Variants in GRIK2 observed in about 807,000 individuals in gnomAD.
GRIK2 encodes glutamate ionotropic receptor kainate type subunit 2.
Under a neutral mutation model 100.3 loss-of-function variants are expected in GRIK2, and 32 were observed. That is an observed-to-expected ratio of 0.32 (90% confidence interval 0.24 to 0.43). GRIK2 has a LOEUF of 0.43. Ranked by LOEUF, GRIK2 falls within the 20% of genes least tolerant of loss-of-function variation. The pLI is 1.00. For missense variants in GRIK2, 843 were observed against 1,114.9 expected (o/e 0.76, Z 3.47); for synonymous variants, 417 against 389.4 (o/e 1.07, Z -0.83).
intron 14 of GRIK2, chr6:101,993,849 T>C (rs1204815281): frequency 2.0e-5 from 3 of 148,030 alleles, no homozygotes; most frequent in Non-Finnish European, 3.0e-5. Flanking sequence ...TAGCAAATAA[T>C]GTATTTGCTC....
intron 2 of GRIK2, among the ~76,000 whole-genome samples, chr6:101,613,302 T>C (rs1041952008): frequency 5.3e-5 from 8 of 151,814 alleles, no homozygotes; most frequent in African/African-American, 1.7e-4. Flanking sequence ...AAGCTTTGCT[T>C]GGTCTTTAAC....
intron 2 of GRIK2, among the ~76,000 whole-genome samples, chr6:101,489,241 A>G (rs1361787650): frequency 2.1e-5 from 3 of 146,218 alleles, no homozygotes; most frequent in East Asian, 1.9e-4. Context: ...TGTGATGACA[A>G]TCATCCCAGA....
At chr6:101,405,184 T>A (rs1292103915) in intron 2 of GRIK2, among the ~76,000 whole-genome samples, 1 of 152,170 alleles carries the variant, frequency 6.6e-6, no homozygotes, top group Non-Finnish European at 1.5e-5. Flanking sequence ...GTCTTTATGG[T>A]TGAAGATTGG....
intron 4 of GRIK2, among the ~76,000 whole-genome samples, chr6:101,648,834 A>G (rs1781651789): frequency 6.6e-6 from 1 of 152,118 alleles, no homozygotes. Flanking sequence ...AAAGAGGTTT[A>G]ATGGACTCAC....
At chr6:101,836,407 C>G (rs1361923405) in intron 10 of GRIK2, among the ~76,000 whole-genome samples, 1 of 151,730 alleles carries the variant, frequency 6.6e-6, no homozygotes, top group East Asian at 1.9e-4. Context: ...GAAATAAATA[C>G]TGGCTTTCAA....
chr6:101,626,571 G>A lies in GRIK2; in HGVS notation c.475G>A (p.Ala159Thr), dbSNP rs774450992. 1 of 1,613,790 alleles carries A rather than the reference G, an allele frequency of 6.2e-7. No individual in the cohort carries two copies. The highest frequency in any genetic ancestry group is 8.5e-7 in the Non-Finnish European group (1 of 1,179,758). ...CCCAGACTTCTCTTCACTCAGCCGTGCCATTTTAGACCTGGTGCAGTTTTT... is the reference window on the plus strand; with the variant it reads ...CCCAGACTTCTCTTCACTCAGCCGTACCATTTTAGACCTGGTGCAGTTTTT... ...LYPDFSSLSR[A>T]ILDLVQFFKW... Residue 159 changes from alanine (A) to threonine (T), a missense_variant, in exon 4 of 17, where the codon GCC becomes ACC. Transcript: ENST00000369134.
At chr6:101,563,924 A>C (rs1048320655) in intron 2 of GRIK2, among the ~76,000 whole-genome samples, 15 of 152,138 alleles carry the variant, frequency 9.9e-5, no homozygotes, top group Non-Finnish European at 2.1e-4. Flanking sequence ...AAATGCAACA[A>C]ACAATACAAA....
chr6:101,442,785 T>C (rs1770151442), intron 2 of GRIK2, among the ~76,000 whole-genome samples: 1 of 152,156 alleles, frequency 6.6e-6, no homozygotes, highest in Non-Finnish European at 1.5e-5. Context: ...TGGGATTCAA[T>C]GTAACTATTC....
intron 2 of GRIK2, among the ~76,000 whole-genome samples, chr6:101,491,681 A>C (rs1017267910): frequency 5.3e-5 from 8 of 151,956 alleles, no homozygotes; most frequent in Non-Finnish European, 1.2e-4. Flanking sequence ...TGGTTTACCC[A>C]AAAATATTTC....
At chr6:101,505,341 C>T (rs2144706) in intron 2 of GRIK2, among the ~76,000 whole-genome samples, 91,559 of 151,916 alleles carry the variant, frequency 0.6, 28,658 homozygotes, top group African/African-American at 0.77. Flanking sequence ...CTTGCCGAAG[C>T]TTTCCTCAGT....
intron 15 of GRIK2, among the ~76,000 whole-genome samples, chr6:102,042,023 A>T (rs1770607618): frequency 6.6e-6 from 1 of 151,652 alleles, no homozygotes; most frequent in Non-Finnish European, 1.5e-5. Context: ...AGTATATTGT[A>T]ATTAGATAAC....
intron 2 of GRIK2, among the ~76,000 whole-genome samples, chr6:101,492,384 T>C (rs1233303776): frequency 6.6e-6 from 1 of 151,972 alleles, no homozygotes; most frequent in Non-Finnish European, 1.5e-5. Flanking sequence ...AGAAAGTTAT[T>C]GGCATACCAG....
chr6:101,664,436 A>C lies in GRIK2; in HGVS notation c.542-12187A>C, dbSNP rs149045881. Among the ~76,000 whole-genome samples, 883 of 152,346 alleles carry C rather than the reference A, an allele frequency of 5.8e-3. 5 individuals are homozygous for C. Among genetic ancestry groups the C allele is most frequent in the African/African-American group, 0.02 (842 of 41,588 alleles). ...ATGCAAGCAAATTTTAATAGCAATAAGCAAAGAGATAGAATTAAAATGCAA... is the reference window on the plus strand; with the variant it reads ...ATGCAAGCAAATTTTAATAGCAATACGCAAAGAGATAGAATTAAAATGCAA... On this transcript the variant is annotated intron_variant, in intron 4 of 16. Coordinates refer to ENST00000369134, the MANE Select transcript of GRIK2 (RefSeq NM_021956.5).
At chr6:101,938,476 A>G (rs567585921) in intron 14 of GRIK2, among the ~76,000 whole-genome samples, 1 of 152,272 alleles carries the variant, frequency 6.6e-6, no homozygotes, top group East Asian at 1.9e-4. Context: ...GCTTTAAGAA[A>G]TTAAACTTGG....
chr6:101,669,929 T>C (rs1442191841), intron 4 of GRIK2, among the ~76,000 whole-genome samples: 1 of 151,924 alleles, frequency 6.6e-6, no homozygotes. Flanking sequence ...AGAAATAATA[T>C]CATGGGACAG....
At chr6:101,409,394 C>T (rs774306199) in intron 2 of GRIK2, among the ~76,000 whole-genome samples, 7 of 151,896 alleles carry the variant, frequency 4.6e-5, no homozygotes, top group African/African-American at 9.7e-5. Context: ...AATCACCTAA[C>T]GATGCATTTC....
At chr6:101,530,770 T>C (rs1775402796) in intron 2 of GRIK2, among the ~76,000 whole-genome samples, 1 of 151,898 alleles carries the variant, frequency 6.6e-6, no homozygotes, top group African/African-American at 2.4e-5. Context: ...ACTGCAATAA[T>C]CTACAGAGGC....
At chr6:101,927,262 T>C (rs1030711206) in intron 13 of GRIK2, 2 of 359,602 alleles carry the variant, frequency 5.6e-6, no homozygotes, top group Non-Finnish European at 7.8e-6. Context: ...TTCACATGAA[T>C]AATTTGTTTT....
In GRIK2 at chr6:101,970,154, A is replaced by C. The variant is rs9485573; in HGVS notation, c.2085+41522A>C. Among the ~76,000 whole-genome samples, 1,392 of 152,148 alleles carry C rather than the reference A, an allele frequency of 9.1e-3. 21 individuals carry two copies. Among genetic ancestry groups the C allele is most frequent in the African/African-American group, 0.031 (1,305 of 41,532 alleles). On this transcript the variant is annotated intron_variant, in intron 14 of 16. Coordinates refer to ENST00000369134, the MANE Select transcript of GRIK2 (RefSeq NM_021956.5). ...TAAAAATTTGTTGAATTCATTAATA[A>C]ATTAAAAAATAAACCAATCAATCAA...
Sources: gnomAD v4.1 joint callset for allele counts (sites outside exome capture counted in the v4.1 genomes callset) on GRCh38, gnomAD v4.1.1 for gene constraint, MANE v1.5 for transcripts, NCBI Gene and HGNC (gene_info 2026-07-23, HGNC 2026-07-21) for gene names.